Variants in SPG11 observed in about 807,000 individuals in gnomAD.
The protein encoded by SPG11 is SPG11 vesicle trafficking associated, spatacsin.
SPG11 carries 222 observed loss-of-function variants against 274.0 expected under a neutral mutation model. The observed-to-expected ratio is 0.81, with a 90% CI of 0.73 to 0.91. The LOEUF (loss-of-function observed/expected upper bound fraction) is 0.91, where lower values mean the gene tolerates loss of function less well. SPG11 is among the 40% of genes least tolerant of loss of function. SPG11 has a pLI of 0.00. For missense variants in SPG11, 3,114 were observed against 2,872.7 expected (o/e 1.08, Z -1.92); for synonymous variants, 1,144 against 1,039.7 (o/e 1.10, Z -1.93).
Position 44,663,429 on chromosome 15 carries a change from C to T in SPG11, c.219G>A (p.Arg73=), listed in dbSNP as rs775897735. The T allele has an allele frequency of 3.7e-6, 6 of 1,604,918 alleles. No homozygotes were observed. The highest frequency in any genetic ancestry group is 5.1e-6 in the Non-Finnish European group (6 of 1,176,458). ...LQVLSLTPGS[R]GGGRCCLEGP... ...CCTCCAGGCAGCAGCGACCCCCGCCCCGGCTGCCAGGCGTCAAAGAAAGCA... is the reference window on the plus strand; with the variant it reads ...CCTCCAGGCAGCAGCGACCCCCGCCTCGGCTGCCAGGCGTCAAAGAAAGCA... Residue 73 remains arginine (R), a synonymous_variant, in exon 1 of 40, where the codon CGG becomes CGA. Transcript: ENST00000261866.
At chr15:44,574,350 G>A (rs1414798089) in intron 31 of SPG11, among the ~76,000 whole-genome samples, 9 of 152,134 alleles carry the variant, frequency 5.9e-5, no homozygotes, top group Non-Finnish European at 8.8e-5. Flanking sequence ...ACTAAAATAC[G>A]AGAGCCTTTA....
Position 44,652,777 on chromosome 15 carries a change from C to A in SPG11, c.870-511G>T, listed in dbSNP as rs1206718555. Among the ~76,000 whole-genome samples, 3 of 151,928 alleles carry A rather than the reference C, an allele frequency of 2.0e-5. No homozygotes were observed. In the East Asian group the frequency reaches 5.8e-4, roughly 29 times the overall value. ...TCAAGCGATTCTCCTGTCTTAGCCT[C>A]CCGAGTAGCTGGGACTGCAGGTGCA... is the stretch of plus-strand genomic sequence containing the variant. On this transcript the variant is annotated intron_variant, in intron 4 of 39. Coordinates refer to ENST00000261866, the MANE Select transcript of SPG11 (RefSeq NM_025137.4).
intron 28 of SPG11, among the ~76,000 whole-genome samples, chr15:44,587,709 A>AAAAAAAAAAAAAAC (rs2082800929): frequency 2.0e-5 from 3 of 150,992 alleles, no homozygotes; most frequent in African/African-American, 7.3e-5. Context: ...AAAAAAAAAA[A>AAAAAAAAAAAAAAC]AAAAAAAAAA....
chr15:44,619,867 G>T (rs2083692826), intron 15 of SPG11, among the ~76,000 whole-genome samples: 1 of 151,758 alleles, frequency 6.6e-6, no homozygotes, highest in East Asian at 1.9e-4. Context: ...GGAGTACCCG[G>T]CATTATGCCT....
chr15:44,616,509 A>T (rs1159141527), intron 15 of SPG11, among the ~76,000 whole-genome samples: 1 of 151,986 alleles, frequency 6.6e-6, no homozygotes, highest in East Asian at 1.9e-4. Context: ...TTTTACTTTT[A>T]TTCATAGTTT....
intron 2 of SPG11, among the ~76,000 whole-genome samples, chr15:44,660,111 T>C (rs556264467): frequency 7.3e-4 from 111 of 152,250 alleles, no homozygotes; most frequent in Non-Finnish European, 1.3e-3. Flanking sequence ...GGTAGCCACA[T>C]TGAAACAGGT....
chr15:44,567,376 A>G lies in SPG11; in HGVS notation c.6754+48T>C, dbSNP rs753648647. 3.4e-6 allele frequency: 5 copies of G among 1,490,780 alleles called. No individual in the cohort carries two copies. The African/African-American group carries it at 5.7e-5, about 17-fold the overall frequency. 92.3% of individuals were successfully genotyped at this position (1,490,780 alleles called of 1,614,324 possible). On this transcript the variant is annotated intron_variant, in intron 36 of 39. Transcript: ENST00000261866. Reference sequence around the variant, plus strand: ...AAAAAAAAAAAAAAAAAGGAATTTTACCTAGCTAGCAGCACTGTTCTGGTA... The same window carrying G: ...AAAAAAAAAAAAAAAAAGGAATTTTGCCTAGCTAGCAGCACTGTTCTGGTA...
intron 7 of SPG11, among the ~76,000 whole-genome samples, chr15:44,641,820 T>C (rs1217700587): frequency 6.6e-6 from 1 of 150,554 alleles, no homozygotes; most frequent in African/African-American, 2.4e-5. Flanking sequence ...ATTAAACATG[T>C]GCATGCCGTA....
At chr15:44,606,125 G>A in intron 19 of SPG11, 34 bp from the exon 20 acceptor site, 1 of 1,591,440 alleles carries the variant, frequency 6.3e-7, no homozygotes, top group Admixed American at 1.7e-5. Flanking sequence ...AGAATTAGAA[G>A]TTCACTGATT....
intron 35 of SPG11, among the ~76,000 whole-genome samples, chr15:44,568,926 T>G (rs1251265772): frequency 2.0e-5 from 3 of 151,814 alleles, no homozygotes; most frequent in Non-Finnish European, 4.4e-5. Context: ...AATCCCAGCA[T>G]TTTGGGAGGC....
At chr15:44,587,184 A>T (rs2082784573) in intron 28 of SPG11, among the ~76,000 whole-genome samples, 1 of 152,180 alleles carries the variant, frequency 6.6e-6, no homozygotes, top group South Asian at 2.1e-4. Context: ...AACAAAAACA[A>T]AGAATTCTCT....
At chr15:44,618,741 AC>A (rs1397672207) in intron 15 of SPG11, among the ~76,000 whole-genome samples, 1 of 150,846 alleles carries the variant, frequency 6.6e-6, no homozygotes. Flanking sequence ...AATGGTGTGA[AC>A]CCAGAAGGCA....
In SPG11 at chr15:44,652,206, A is replaced by G; in HGVS notation, c.930T>C (p.Pro310=). Residue 310 remains proline, a synonymous_variant, in exon 5 of 40, where the codon CCT becomes CCC. Coordinates refer to ENST00000261866, the MANE Select transcript of SPG11 (RefSeq NM_025137.4). ...RILEDLPIQG[P]KGVDEDDPVN... ...CAGGATCATCTTCATCTACGCCCTT[A>G]GGTCCTTGAATAGGAAGATCTTCTA... 6.2e-7 allele frequency: 1 copy of G among 1,614,106 alleles called. No individual in the cohort carries two copies. Among genetic ancestry groups the G allele is most frequent in the African/African-American group, 1.3e-5 (1 of 75,056 alleles).
intron 19 of SPG11, 95 bp from the exon 20 acceptor site, chr15:44,606,186 C>A (rs879105641): frequency 2.8e-6 from 3 of 1,085,490 alleles, no homozygotes; most frequent in South Asian, 2.7e-5. Context: ...GTAGTCTGCT[C>A]CCCTTTTCCA....
chr15:44,597,527 C>T (rs557915919), intron 23 of SPG11, among the ~76,000 whole-genome samples: 2 of 152,270 alleles, frequency 1.3e-5, no homozygotes, highest in East Asian at 3.9e-4. Context: ...TGTGTAGCAT[C>T]CTTAGGAGAA....
chr15:44,596,722 T>A lies in SPG11; in HGVS notation c.4161+62A>T, dbSNP rs1423266913. The A allele has an allele frequency of 5.2e-6, 5 of 960,684 alleles. No individual in the cohort carries two copies. In the African/African-American group the frequency reaches 9.5e-5, roughly 18 times the overall value. 59.5% of individuals were successfully genotyped at this position (960,684 alleles called of 1,614,324 possible). On this transcript the variant is annotated intron_variant, in intron 24 of 39. Coordinates refer to ENST00000261866, the MANE Select transcript of SPG11 (RefSeq NM_025137.4). ...TGTCATGTCTACACAACAGAAAGAA[T>A]GCTATCTTCTAAGAAGTGTTCCTAT...
intron 15 of SPG11, among the ~76,000 whole-genome samples, chr15:44,618,637 G>GA (rs2083656747): frequency 6.6e-6 from 1 of 150,946 alleles, no homozygotes; most frequent in South Asian, 2.1e-4. Flanking sequence ...CTAACATGGT[G>GA]AAACCCCATC....
intron 6 of SPG11, among the ~76,000 whole-genome samples, chr15:44,650,492 A>G (rs571636217): frequency 6.6e-6 from 1 of 152,138 alleles, no homozygotes; most frequent in African/African-American, 2.4e-5. Context: ...CGTCTCTACT[A>G]AAAATACAAA....
chr15:44,605,529 T>C (rs1477616751), intron 20 of SPG11, among the ~76,000 whole-genome samples: 3 of 152,326 alleles, frequency 2.0e-5, no homozygotes, highest in East Asian at 3.9e-4. Flanking sequence ...GAAAGTCTTA[T>C]GGTCTTTATA....
Sources: gnomAD v4.1 joint callset for allele counts (sites outside exome capture counted in the v4.1 genomes callset) on GRCh38, gnomAD v4.1.1 for gene constraint, MANE v1.5 for transcripts, NCBI Gene and HGNC (gene_info 2026-07-23, HGNC 2026-07-21) for gene names.